ZCCHC17: variants seen among roughly 807,000 people sequenced by gnomAD.
The protein encoded by ZCCHC17 is zinc finger CCHC domain-containing protein 17.
ZCCHC17 carries 18 observed loss-of-function variants against 30.6 expected under a neutral mutation model. The observed-to-expected ratio is 0.59, with a 90% CI of 0.41 to 0.87. ZCCHC17 has a LOEUF of 0.87. ZCCHC17 is among the 40% of genes least tolerant of loss of function. The pLI is 0.00. For missense variants in ZCCHC17, 263 were observed against 284.2 expected, an observed-to-expected ratio of 0.93 and a Z score of 0.54; for synonymous variants, 88 against 92.4, an observed-to-expected ratio of 0.95 and a Z score of 0.27.
chr1:31,325,579 G>A (rs980769505), intron 3 of ZCCHC17, among the ~76,000 whole-genome samples: 10 of 152,222 alleles, frequency 6.6e-5, no homozygotes, highest in African/African-American at 2.4e-4. Context: ...GTGCCTGGCT[G>A]TGCACAGTGG....
At chr1:31,319,667 T>C (rs1161537179) in intron 3 of ZCCHC17, among the ~76,000 whole-genome samples, 1 of 152,164 alleles carries the variant, frequency 6.6e-6, no homozygotes, top group Non-Finnish European at 1.5e-5. Flanking sequence ...TTACCAAAAC[T>C]ATGTTAAGCC....
chr1:31,340,315 GT>G (rs71028757), intron 5 of ZCCHC17, among the ~76,000 whole-genome samples: 1,653 of 95,088 alleles, frequency 0.017, 9 homozygotes, highest in African/African-American at 0.042. Flanking sequence ...ATCTTGGAGG[GT>G]TTTTTTTTTT....
chr1:31,331,742 G>C (rs1638597863), intron 3 of ZCCHC17, among the ~76,000 whole-genome samples: 1 of 151,796 alleles, frequency 6.6e-6, no homozygotes, highest in South Asian at 2.1e-4. Flanking sequence ...CTCCCGAATA[G>C]CTGGGACTAC....
At chr1:31,354,902 C>T (rs1011025622) in intron 7 of ZCCHC17, among the ~76,000 whole-genome samples, 1 of 152,126 alleles carries the variant, frequency 6.6e-6, no homozygotes, top group Non-Finnish European at 1.5e-5. Flanking sequence ...TGGCCGGGCA[C>T]GGTGGCTCAT....
chr1:31,340,179 G>C (rs1638988111), intron 5 of ZCCHC17, among the ~76,000 whole-genome samples: 1 of 151,558 alleles, frequency 6.6e-6, no homozygotes, highest in South Asian at 2.1e-4. Flanking sequence ...GGACACCTAG[G>C]CTCAAGCGAT....
intron 5 of ZCCHC17, among the ~76,000 whole-genome samples, chr1:31,344,028 T>A (rs1001430841): frequency 2.0e-5 from 3 of 151,858 alleles, no homozygotes; most frequent in Admixed American, 6.6e-5. Flanking sequence ...CTAATTTTTG[T>A]TTTTTTAGTA....
Position 31,337,156 on chromosome 1 carries a change from T to C in ZCCHC17, c.125-19T>C. 6.2e-7 allele frequency: 1 copy of C among 1,606,084 alleles called. No homozygotes were observed. The highest frequency in any genetic ancestry group is 2.2e-5 in the East Asian group (1 of 44,792). The stretch of plus-strand genomic sequence containing the variant: ...AGATATGCCCTCTGCTTTACGTTAT[T>C]TCTTCTTCTTGTGCCCAGGTCTGGT... On this transcript the variant is annotated intron_variant, in intron 3 of 7. Coordinates refer to ENST00000344147, the MANE Select transcript of ZCCHC17 (RefSeq NM_016505.4).
chr1:31,313,398 A>G (rs1646653859), intron 2 of ZCCHC17, among the ~76,000 whole-genome samples: 3 of 152,120 alleles, frequency 2.0e-5, no homozygotes, highest in Non-Finnish European at 4.4e-5. Context: ...TAATGGTATC[A>G]TTTATACTTG....
intron 7 of ZCCHC17, among the ~76,000 whole-genome samples, chr1:31,349,217 A>T (rs767218406): frequency 6.8e-6 from 1 of 147,000 alleles, no homozygotes; most frequent in Non-Finnish European, 1.5e-5. Context: ...TTTTTTTGTT[A>T]AAAAAAAAAG....
intron 7 of ZCCHC17, among the ~76,000 whole-genome samples, chr1:31,363,503 A>G (rs1640008976): frequency 6.6e-6 from 1 of 152,010 alleles, no homozygotes; most frequent in African/African-American, 2.4e-5. Flanking sequence ...ATACTTTATT[A>G]AGTGTTGGCT....
At chr1:31,335,871 C>CT (rs1386230390) in intron 3 of ZCCHC17, among the ~76,000 whole-genome samples, 1 of 151,730 alleles carries the variant, frequency 6.6e-6, no homozygotes, top group Non-Finnish European at 1.5e-5. Context: ...TTTATATTTC[C>CT]TTTTTTAACT....
At chr1:31,298,254 G>A (rs1294348169) in intron 1 of ZCCHC17, among the ~76,000 whole-genome samples, 1 of 152,154 alleles carries the variant, frequency 6.6e-6, no homozygotes, top group Non-Finnish European at 1.5e-5. Flanking sequence ...GGAGTGAAGA[G>A]AGGAATCAAA....
chr1:31,328,626 A>G (rs973563854), intron 3 of ZCCHC17, among the ~76,000 whole-genome samples: 4 of 152,212 alleles, frequency 2.6e-5, no homozygotes, highest in Non-Finnish European at 5.9e-5. Flanking sequence ...AAAGGATACA[A>G]CTTAGGAACA....
intron 5 of ZCCHC17, among the ~76,000 whole-genome samples, chr1:31,344,862 G>GTTGTTTATTTGTTTGT: frequency 6.6e-6 from 1 of 150,486 alleles, no homozygotes; most frequent in Admixed American, 6.6e-5. Flanking sequence ...GTTTTTTTTT[G>GTTGTTTATTTGTTTGT]TTGTTTGTTT....
chr1:31,325,293 T>C (rs1044044768), intron 3 of ZCCHC17, among the ~76,000 whole-genome samples: 3 of 152,236 alleles, frequency 2.0e-5, no homozygotes, highest in Non-Finnish European at 4.4e-5. Context: ...AGTTGTCTGC[T>C]TACCTCATTC....
intron 7 of ZCCHC17, among the ~76,000 whole-genome samples, chr1:31,362,797 C>T (rs1270235122): frequency 3.3e-5 from 5 of 152,224 alleles, no homozygotes; most frequent in Admixed American, 6.5e-5. Flanking sequence ...TCTTTAGGGG[C>T]GCCTTTCAGC....
At chr1:31,345,024 A>ATTTTTT (rs546042719) in intron 5 of ZCCHC17, among the ~76,000 whole-genome samples, 15 of 134,770 alleles carry the variant, frequency 1.1e-4, no homozygotes, top group Non-Finnish European at 2.4e-4. Context: ...ATGCCTGGCT[A>ATTTTTT]TTTTTTTTTT....
Position 31,346,741 on chromosome 1 carries a change from G to T in ZCCHC17, c.418+1G>T. ...ACCTGCAAGAAGTGTGGCTGTAAAG[G>T]TAGGGTGAAGCCTCTGCCCTTTCCA... is the stretch of plus-strand genomic sequence containing the variant. On this transcript the variant is annotated splice_donor_variant, in intron 6 of 7. Coordinates refer to ENST00000344147, the MANE Select transcript of ZCCHC17 (RefSeq NM_016505.4). LOFTEE classifies it high-confidence loss of function. 1 of 1,614,164 alleles carries T rather than the reference G, an allele frequency of 6.2e-7. No individual in the cohort carries two copies. Among genetic ancestry groups the T allele is most frequent in the East Asian group, 2.2e-5 (1 of 44,886 alleles).
chr1:31,302,123 G>A (rs893089793), intron 1 of ZCCHC17, among the ~76,000 whole-genome samples: 4 of 152,176 alleles, frequency 2.6e-5, no homozygotes, highest in Non-Finnish European at 4.4e-5. Context: ...AGCTACTTGG[G>A]AGGCAGAGGT....
Sources: allele counts gnomAD v4.1 joint callset (sites outside exome capture counted in the v4.1 genomes callset), GRCh38; gene constraint gnomAD v4.1.1; transcripts MANE v1.5; gene names NCBI Gene and HGNC (gene_info 2026-07-23, HGNC 2026-07-21).